TRPV3: variants seen among roughly 807,000 people sequenced by gnomAD.
TRPV3 encodes transient receptor potential cation channel subfamily V member 3, also known as VRL-3.
In TRPV3, 88 loss-of-function variants were observed where a neutral mutation model predicts 87.1. The ratio of observed to expected loss-of-function variants is 1.01; its 90% CI spans 0.85 to 1.21. TRPV3 has a LOEUF of 1.21. Among genes scored for constraint, TRPV3 ranks in the 50% most tolerant of loss-of-function variants. The pLI, the probability that TRPV3 is intolerant of heterozygous loss-of-function variation, is 0.00. For synonymous variants in TRPV3, 438 were observed against 423.3 expected, an observed-to-expected ratio of 1.03 and a Z score of -0.43; for missense variants, 1,054 against 1,030.1, an observed-to-expected ratio of 1.02 and a Z score of -0.32.
At chr17:3,550,520 CTTTTT>C (rs35400667) in intron 2 of TRPV3, among the ~76,000 whole-genome samples, 6 of 92,184 alleles carry the variant, frequency 6.5e-5, no homozygotes, top group African/African-American at 2.0e-4. Context: ...CCTGCCTGCT[CTTTTT>C]TTTTTTTTTT....
At chr17:3,541,960 T>C (rs1485932634) in intron 6 of TRPV3, among the ~76,000 whole-genome samples, 2 of 152,244 alleles carry the variant, frequency 1.3e-5, no homozygotes, top group Non-Finnish European at 2.9e-5. Context: ...TTTCTGTCTT[T>C]ACTTATTTAT....
chr17:3,517,854 T>G (rs2074198416), intron 15 of TRPV3, among the ~76,000 whole-genome samples: 1 of 150,388 alleles, frequency 6.6e-6, no homozygotes, highest in Non-Finnish European at 1.5e-5. Context: ...GTTTTTGCTC[T>G]GTCACCCAGG....
intron 11 of TRPV3, 56 bp downstream of exon 11, chr17:3,527,969 G>T: frequency 7.4e-7 from 1 of 1,354,438 alleles, no homozygotes. Flanking sequence ...GAGGGATGGA[G>T]GCTGTCACCT....
At chr17:3,546,558 G>C in intron 2 of TRPV3, 1 of 434,908 alleles carries the variant, frequency 2.3e-6, no homozygotes, top group South Asian at 1.7e-5. Flanking sequence ...GTCCTGTAGT[G>C]TCAATTAGCT....
chr17:3,516,310 C>T (rs1015203339), intron 16 of TRPV3, 147 bp downstream of exon 16: 8 of 647,450 alleles, frequency 1.2e-5, no homozygotes, highest in Admixed American at 5.4e-5. Flanking sequence ...AAGCAAATTC[C>T]TTCTTCCAAG....
intron 2 of TRPV3, among the ~76,000 whole-genome samples, chr17:3,550,918 C>T (rs894217493): frequency 6.6e-6 from 1 of 152,176 alleles, no homozygotes; most frequent in Non-Finnish European, 1.5e-5. Flanking sequence ...AAGAGATGAA[C>T]CTTCCAGGGA....
intron 15 of TRPV3, 87 bp from the exon 16 acceptor site, chr17:3,516,656 C>T: frequency 1.1e-6 from 1 of 911,720 alleles, no homozygotes; most frequent in Non-Finnish European, 1.8e-6. Flanking sequence ...GCCCACTCCA[C>T]CCTCACCTCA....
intron 12 of TRPV3, among the ~76,000 whole-genome samples, chr17:3,525,604 G>A (rs1041031613): frequency 6.6e-6 from 1 of 150,914 alleles, no homozygotes; most frequent in Non-Finnish European, 1.5e-5. Flanking sequence ...TATGCTATGT[G>A]TATTTTACCA....
rs2074626272 is a variant in TRPV3, at chr17:3,555,905, A to C, written c.-2-1053T>G. Among the ~76,000 whole-genome samples the C allele has an allele frequency of 3.9e-5, 6 of 152,030 alleles. No homozygotes were observed. The South Asian group carries it at 1.2e-3, about 32-fold the overall frequency. On this transcript the variant is annotated intron_variant, in intron 1 of 17. Transcript: ENST00000576742. ...AAGAGCTGTGGCTTCAGGCAGGCAC[A>C]GTGGCTCACACCTGTAATCCCAGCA...
At chr17:3,529,262 G>A (rs1215861840) in intron 9 of TRPV3, among the ~76,000 whole-genome samples, 1 of 152,100 alleles carries the variant, frequency 6.6e-6, no homozygotes, top group Non-Finnish European at 1.5e-5. Context: ...GATAGAAGCG[G>A]GCAGGAGGTG....
At chr17:3,519,466 AT>A (rs1265354836) in intron 14 of TRPV3, among the ~76,000 whole-genome samples, 127 of 147,180 alleles carry the variant, frequency 8.6e-4, no homozygotes, top group African/African-American at 3.0e-3. Context: ...GATTAGATGG[AT>A]GGATGGATAG....
rs2074115054 is a variant in TRPV3 at position 3,511,614 on chromosome 17, A to G, written c.*2303T>C. ...GTGGACACTGTTGGGAAGAATATCC[A>G]ATACAGAAAATGGTCTTGCCAACAA... On this transcript the variant is annotated 3_prime_UTR_variant, in exon 18 of 18. Transcript: ENST00000576742. 1 of 152,238 alleles carries G rather than the reference A, an allele frequency of 6.6e-6. No individual in the cohort carries two copies. Among genetic ancestry groups the G allele is most frequent in the African/African-American group, 2.4e-5 (1 of 41,454 alleles). 9.4% of individuals were successfully genotyped at this position (152,238 alleles called of 1,614,324 possible). A position where few individuals can be genotyped will look rare whatever the true frequency, so the allele number is the denominator to read the frequency against.
intron 6 of TRPV3, among the ~76,000 whole-genome samples, chr17:3,536,112 A>G (rs1390424892): frequency 6.6e-6 from 1 of 152,066 alleles, no homozygotes; most frequent in African/African-American, 2.4e-5. Context: ...CTAACCTGGG[A>G]CCTCAGAAGT....
At chr17:3,527,005 A>G in intron 11 of TRPV3, 78 bp from the exon 12 acceptor site, 1 of 1,178,996 alleles carries the variant, frequency 8.5e-7, no homozygotes, top group South Asian at 1.3e-5. Context: ...GTGCTTCCCC[A>G]GGACCAAGAC....
chr17:3,519,324 T>TTGGA (rs148324359), intron 14 of TRPV3, among the ~76,000 whole-genome samples: 54,145 of 146,356 alleles, frequency 0.37, 10,819 homozygotes, highest in Non-Finnish European at 0.46. Context: ...TGCTGAATGG[T>TTGGA]TGGATGGATG....
chr17:3,524,092 T>A, intron 13 of TRPV3, 106 bp downstream of exon 13: 1 of 1,421,856 alleles, frequency 7.0e-7, no homozygotes, highest in East Asian at 2.3e-5. Flanking sequence ...GAAAGAGCAG[T>A]GACCTGCCCC....
rs759313822 is a variant in TRPV3, at chr17:3,543,573, T to C, written c.367A>G (p.Ile123Val). The C allele has an allele frequency of 2.5e-6, 4 of 1,614,170 alleles. No homozygotes were observed. The highest frequency in any genetic ancestry group is 2.5e-6 in the Non-Finnish European group (3 of 1,180,034). Residue 123 changes from isoleucine (I) to valine (V), a missense_variant, in exon 5 of 18, where the codon ATC becomes GTC. By Grantham distance (29) the Ile-to-Val change is conservative. Coordinates refer to ENST00000576742, the MANE Select transcript of TRPV3 (RefSeq NM_145068.4). The part of the protein sequence containing the change: ...RRKKRRLKKR[I>V]FAAVSEGCVE... ...CAGCCCTCAGACACGGCTGCAAAGA[T>C]GCGCTTCTTCAGCCGCCTCTTTTTC...
Position 3,543,619 on chromosome 17 carries a change from C to A in TRPV3, c.321G>T (p.Leu107=), listed in dbSNP as rs1021226821. Residue 107 remains leucine (L), a synonymous_variant, in exon 5 of 18, where the codon CTG becomes CTT. Transcript: ENST00000576742. ...TTTTCCTCCTCTGCTCTTCCTTGGC[C>A]AGCTGTGCACTGAAGCCAGAAAATG... ...PSNPNSPSAQ[L]AKEEQRRKKR... is the part of the protein sequence containing the mutation. The A allele has an allele frequency of 1.9e-6, 3 of 1,614,112 alleles. No individual in the cohort carries two copies. The highest frequency in any genetic ancestry group is 1.7e-5 in the Admixed American group (1 of 60,024).
intron 12 of TRPV3, among the ~76,000 whole-genome samples, chr17:3,525,267 A>G (rs557264380): frequency 1.7e-4 from 26 of 152,226 alleles, no homozygotes; most frequent in South Asian, 1.0e-3. Flanking sequence ...TGATCCACCC[A>G]CCTCGGCCTC....
Sources: gnomAD v4.1 joint callset for allele counts (sites outside exome capture counted in the v4.1 genomes callset) on GRCh38, gnomAD v4.1.1 for gene constraint, MANE v1.5 for transcripts, NCBI Gene and HGNC (gene_info 2026-07-23, HGNC 2026-07-21) for gene names.